Variants in CHRM2 observed in about 807,000 individuals in gnomAD.
The protein encoded by CHRM2 is muscarinic acetylcholine receptor M2.
A neutral mutation model predicts 25.0 loss-of-function variants in CHRM2; 8 were observed. The observed-to-expected ratio is 0.32, with a 90% CI of 0.19 to 0.58. The LOEUF is 0.58. CHRM2 is among the 20% of genes least tolerant of loss of function. The pLI, the probability that CHRM2 is intolerant of heterozygous loss-of-function variation, is 0.88. For synonymous variants in CHRM2, 202 were observed against 205.7 expected (o/e 0.98, Z 0.15); for missense variants, 440 against 567.1 (o/e 0.78, Z 2.28).
At chr7:136,899,539 T>C (rs1797085161) in intron 2 of CHRM2, 1 of 152,096 alleles carries the variant, frequency 6.6e-6, no homozygotes, top group Admixed American at 6.6e-5. Context: ...CTAAGAAGTA[T>C]GATGTTTAAG....
chr7:136,977,752 T>C (rs1802199576), intron 2 of CHRM2, among the ~76,000 whole-genome samples: 3 of 152,332 alleles, frequency 2.0e-5, no homozygotes, highest in Admixed American at 6.5e-5. Context: ...TTTGTTCCAC[T>C]TGTCAATCAT....
intron 3 of CHRM2, among the ~76,000 whole-genome samples, chr7:137,014,342 G>A (rs1015911446): frequency 1.3e-5 from 2 of 152,002 alleles, no homozygotes; most frequent in East Asian, 3.9e-4. Context: ...ATGAGGAAAG[G>A]CACTGTTAAC....
rs779951266 is a variant in CHRM2 at position 137,014,890 on chromosome 7, A to G, written c.25A>G (p.Asn9Asp). The G allele has an allele frequency of 3.1e-6, 5 of 1,613,010 alleles. No homozygotes were observed. Among genetic ancestry groups the G allele is most frequent in the Non-Finnish European group, 4.2e-6 (5 of 1,179,486 alleles). Residue 9 changes from asparagine (N) to aspartate (D), a missense_variant, in exon 4 of 4, where the codon AAC becomes GAC. Coordinates refer to ENST00000680005, the MANE Select transcript of CHRM2 (RefSeq NM_001006630.2). Reference sequence around the variant, plus strand: ...AATGAATAACTCAACAAACTCCTCTAACAATAGCCTGGCTCTTACAAGTCC... The same window carrying G: ...AATGAATAACTCAACAAACTCCTCTGACAATAGCCTGGCTCTTACAAGTCC... MNNSTNSSNNSLALTSPYK... is the reference protein window; with the variant it reads MNNSTNSSDNSLALTSPYK...
At chr7:137,009,084 C>T (rs111539201) in intron 3 of CHRM2, among the ~76,000 whole-genome samples, 2,397 of 152,136 alleles carry the variant, frequency 0.016, 77 homozygotes, top group African/African-American at 0.056. Flanking sequence ...ACTTAGATTA[C>T]TTATGTATTG....
intron 3 of CHRM2, among the ~76,000 whole-genome samples, chr7:136,998,092 C>T (rs1289770264): frequency 6.6e-6 from 1 of 152,176 alleles, no homozygotes; most frequent in Non-Finnish European, 1.5e-5. Flanking sequence ...TGATCTCTTG[C>T]TCCAATGCTA....
rs182331744 is a variant in CHRM2, at chr7:136,999,781, T to A, written c.-47+7517T>A. On this transcript the variant is annotated intron_variant, in intron 3 of 3. Coordinates refer to ENST00000680005, the MANE Select transcript of CHRM2 (RefSeq NM_001006630.2). ...TTCCCAACTGCTTCCCGATACTACATAAATGCTGCCACAGTCTGCAACCAA... is the reference window on the plus strand; with the variant it reads ...TTCCCAACTGCTTCCCGATACTACAAAAATGCTGCCACAGTCTGCAACCAA... 2.2e-4 allele frequency among the ~76,000 whole-genome samples: 34 copies of A among 152,304 alleles called. No homozygotes were observed. The East Asian group carries it at 6.4e-3, about 29-fold the overall frequency.
At chr7:136,953,891 A>G (rs1466678486) in intron 2 of CHRM2, among the ~76,000 whole-genome samples, 1 of 152,180 alleles carries the variant, frequency 6.6e-6, no homozygotes, top group Non-Finnish European at 1.5e-5. Context: ...TAATCCAAGC[A>G]GCACAGCACT....
chr7:136,989,486 T>C (rs1211699418), intron 2 of CHRM2, among the ~76,000 whole-genome samples: 1 of 152,162 alleles, frequency 6.6e-6, no homozygotes, highest in Non-Finnish European at 1.5e-5. Context: ...GCAAACTAAT[T>C]GCTAAAGATG....
chr7:136,976,839 G>A (rs1802137372), intron 2 of CHRM2, among the ~76,000 whole-genome samples: 1 of 152,118 alleles, frequency 6.6e-6, no homozygotes, highest in Non-Finnish European at 1.5e-5. Context: ...AGTCAACTTG[G>A]TCCATGGAAC....
chr7:136,984,747 T>C (rs1802731317), intron 2 of CHRM2, among the ~76,000 whole-genome samples: 2 of 151,980 alleles, frequency 1.3e-5, no homozygotes, highest in African/African-American at 4.8e-5. Context: ...TGCCCCACCC[T>C]GCTTCTGCTT....
At chr7:136,954,107 C>G (rs1023968172) in intron 2 of CHRM2, among the ~76,000 whole-genome samples, 2 of 152,110 alleles carry the variant, frequency 1.3e-5, no homozygotes, top group African/African-American at 4.8e-5. Flanking sequence ...TGAGCTGACA[C>G]CTTGATAAGC....
intron 2 of CHRM2, among the ~76,000 whole-genome samples, chr7:136,931,223 A>G (rs982660793): frequency 6.6e-6 from 1 of 152,230 alleles, no homozygotes; most frequent in African/African-American, 2.4e-5. Flanking sequence ...TGTTGGGGAA[A>G]TAACATTTCT....
At chr7:136,938,995 A>G (rs1799605544) in intron 2 of CHRM2, among the ~76,000 whole-genome samples, 1 of 148,714 alleles carries the variant, frequency 6.7e-6, no homozygotes, top group African/African-American at 2.5e-5. Context: ...ACATTAATAT[A>G]ATTCCAATTC....
At chr7:137,001,821 G>C (rs1385407602) in intron 3 of CHRM2, among the ~76,000 whole-genome samples, 1 of 152,102 alleles carries the variant, frequency 6.6e-6, no homozygotes, top group African/African-American at 2.4e-5. Flanking sequence ...ATGTTTTATA[G>C]TAGTCACCGT....
At chr7:136,982,386 A>C (rs1802547563) in intron 2 of CHRM2, among the ~76,000 whole-genome samples, 1 of 151,640 alleles carries the variant, frequency 6.6e-6, no homozygotes. Flanking sequence ...ACGGATGTTG[A>C]CTCTTTATCC....
intron 2 of CHRM2, among the ~76,000 whole-genome samples, chr7:136,891,236 T>C (rs1323358246): frequency 6.6e-6 from 1 of 152,214 alleles, no homozygotes; most frequent in Non-Finnish European, 1.5e-5. Context: ...CCCAATGTCC[T>C]CTTTCTGATT....
chr7:136,968,662 G>A (rs1198214040), intron 2 of CHRM2, among the ~76,000 whole-genome samples: 3 of 148,590 alleles, frequency 2.0e-5, no homozygotes, highest in Non-Finnish European at 4.5e-5. Context: ...TAAATAAAAT[G>A]TGATATATAT....
At chr7:136,927,731 G>T (rs141134811) in intron 2 of CHRM2, among the ~76,000 whole-genome samples, 1 of 152,164 alleles carries the variant, frequency 6.6e-6, no homozygotes, top group African/African-American at 2.4e-5. Context: ...GGAATCAATA[G>T]AATTCTATTT....
At chr7:136,961,231 C>A (rs1801061638) in intron 2 of CHRM2, among the ~76,000 whole-genome samples, 1 of 152,156 alleles carries the variant, frequency 6.6e-6, no homozygotes, top group South Asian at 2.1e-4. Context: ...CAGTAAACTA[C>A]ATGAGGTATT....
Sources: allele counts gnomAD v4.1 joint callset (sites outside exome capture counted in the v4.1 genomes callset), GRCh38; gene constraint gnomAD v4.1.1; transcripts MANE v1.5; gene names NCBI Gene and HGNC (gene_info 2026-07-23, HGNC 2026-07-21).